The following KXD1 variants were observed in gnomAD, a reference collection of about 807,000 sequenced individuals.
KXD1 encodes KxDL motif containing 1.
Under a neutral mutation model 12.1 loss-of-function variants are expected in KXD1, and 5 were observed. That is an observed-to-expected ratio of 0.41 (90% CI 0.22 to 0.87). KXD1 has a LOEUF of 0.87. Ranked by LOEUF, KXD1 falls within the 40% of genes least tolerant of loss-of-function variation. KXD1 has a pLI of 0.31. For missense variants in KXD1, 193 were observed against 244.9 expected (o/e 0.79, Z 1.41); for synonymous variants, 98 against 100.5 (o/e 0.98, Z 0.15).
chr19:18,559,941 C>CTCTCTCTT (rs1974857523), intron 1 of KXD1: 1 of 151,240 alleles, frequency 6.6e-6, no homozygotes, highest in Non-Finnish European at 1.5e-5. Flanking sequence ...CTCTTTGTCT[C>CTCTCTCTT]TCTCTCTTTC....
At chr19:18,566,032 T>C (rs1048775235) in intron 3 of KXD1, among the ~76,000 whole-genome samples, 6 of 152,134 alleles carry the variant, frequency 3.9e-5, no homozygotes, top group Non-Finnish European at 5.9e-5. Context: ...GGTTTCCCCA[T>C]GTTGGCCAGG....
At chr19:18,563,613 A>G (rs1041942829) in intron 2 of KXD1, among the ~76,000 whole-genome samples, 1 of 150,788 alleles carries the variant, frequency 6.6e-6, no homozygotes, top group Non-Finnish European at 1.5e-5. Context: ...AAGCGATTCT[A>G]CTGCCTCAGC....
intron 2 of KXD1, among the ~76,000 whole-genome samples, chr19:18,562,715 G>A (rs1461077764): frequency 1.3e-5 from 2 of 152,234 alleles, no homozygotes; most frequent in South Asian, 2.1e-4. Context: ...ACCCGCCTCG[G>A]CCTCCCGAAG....
Position 18,566,594 on chromosome 19 carries a change from C to T in KXD1, c.255-538C>T, listed in dbSNP as rs1359537033. Among the ~76,000 whole-genome samples, 10 of 152,048 alleles carry T rather than the reference C, an allele frequency of 6.6e-5. No individual in the cohort carries two copies. In the East Asian group the frequency reaches 1.9e-3, roughly 29 times the overall value. On this transcript the variant is annotated intron_variant, in intron 3 of 4. Coordinates refer to ENST00000222307, the MANE Select transcript of KXD1 (RefSeq NM_024069.4). ...TCACCTGAGGTCAGAAGTTTGAGAC[C>T]AGCCTGGCCAACATGATGAAATCCC... is the stretch of plus-strand genomic sequence containing the variant.
chr19:18,564,032 G>A (rs917481773), intron 2 of KXD1, among the ~76,000 whole-genome samples: 4 of 151,940 alleles, frequency 2.6e-5, no homozygotes, highest in Admixed American at 6.6e-5. Flanking sequence ...GATTACAGGC[G>A]CCCGCCACCA....
chr19:18,568,759 G>T lies in KXD1; in HGVS notation c.*128G>T. The T allele has an allele frequency of 1.5e-6, 1 of 682,358 alleles. No homozygotes were observed. Among genetic ancestry groups the T allele is most frequent in the Non-Finnish European group, 2.5e-6 (1 of 405,698 alleles). 42.3% of individuals were successfully genotyped at this position (682,358 alleles called of 1,614,324 possible). On this transcript the variant is annotated 3_prime_UTR_variant, in exon 5 of 5. Transcript: ENST00000222307. ...GTTCTGTCACCCAGGGCTCCTAGGG[G>T]GACAAGGCTCTCTCCCGAGGGGTGT...
chr19:18,560,941 G>T (rs1389106981), intron 1 of KXD1, among the ~76,000 whole-genome samples: 2 of 151,902 alleles, frequency 1.3e-5, no homozygotes, highest in Admixed American at 6.6e-5. Flanking sequence ...TCCTGACCTC[G>T]TGATCCACCT....
At chr19:18,560,957 G>A (rs1461738107) in intron 1 of KXD1, among the ~76,000 whole-genome samples, 1 of 151,908 alleles carries the variant, frequency 6.6e-6, no homozygotes, top group Non-Finnish European at 1.5e-5. Flanking sequence ...CACCTGCCTC[G>A]CCCTCCCAGA....
intron 1 of KXD1, chr19:18,558,744 T>G (rs1977015039): frequency 1.3e-5 from 2 of 152,138 alleles, no homozygotes; most frequent in South Asian, 4.1e-4. Flanking sequence ...GGATCAGAGC[T>G]CTTGCTGGGT....
In KXD1 at chr19:18,568,398, C is replaced by T. The variant is rs1975367821; in HGVS notation, c.302-4C>T. The stretch of plus-strand genomic sequence containing the variant: ...AAACCAACTCTTGGGCCTCCTTCCC[C>T]CAGATATCCCAGAGGCATCCTTCCT... On this transcript the variant is annotated splice_polypyrimidine_tract_variant and splice_region_variant and intron_variant, in intron 4 of 4. Transcript: ENST00000222307. The T allele has an allele frequency of 1.2e-6, 2 of 1,611,316 alleles. No individual in the cohort carries two copies. Among genetic ancestry groups the T allele is most frequent in the Non-Finnish European group, 1.7e-6 (2 of 1,177,642 alleles).
At chr19:18,563,792 G>A (rs552012548) in intron 2 of KXD1, among the ~76,000 whole-genome samples, 3 of 152,020 alleles carry the variant, frequency 2.0e-5, no homozygotes, top group Non-Finnish European at 2.9e-5. Context: ...GTGAGCCACC[G>A]TGCCCGGCCC....
At chr19:18,560,988 A>C (rs558706732) in intron 1 of KXD1, among the ~76,000 whole-genome samples, 75 of 152,146 alleles carry the variant, frequency 4.9e-4, no homozygotes, top group African/African-American at 1.8e-3. Flanking sequence ...TACAGGCGTG[A>C]GCCACAGCAC....
chr19:18,567,294 G>C (rs1293066708), intron 4 of KXD1, 116 bp downstream of exon 4: 1 of 1,092,638 alleles, frequency 9.2e-7, no homozygotes, highest in Admixed American at 2.0e-5. Context: ...TGGGCAGTGG[G>C]TCTGGGGAAA....
intron 4 of KXD1, 153 bp downstream of exon 4, chr19:18,567,331 C>T: frequency 2.7e-6 from 2 of 746,084 alleles, no homozygotes; most frequent in Non-Finnish European, 4.6e-6. Flanking sequence ...GGTCAGGGTG[C>T]TGGCCTGGTC....
intron 1 of KXD1, chr19:18,561,787 G>A: frequency 3.4e-6 from 1 of 290,226 alleles, no homozygotes; most frequent in Non-Finnish European, 6.5e-6. Flanking sequence ...GAAGTGGGAG[G>A]TGATGGGATT....
chr19:18,564,174 C>T lies in KXD1; in HGVS notation c.102-695C>T, dbSNP rs554250328. Among the ~76,000 whole-genome samples, 32 of 152,186 alleles carry T rather than the reference C, an allele frequency of 2.1e-4. No homozygotes were observed. In the South Asian group the frequency reaches 5.6e-3, roughly 27 times the overall value. On this transcript the variant is annotated intron_variant, in intron 2 of 4. Coordinates refer to ENST00000222307, the MANE Select transcript of KXD1 (RefSeq NM_024069.4). ...CGCTGGAATTGCAGGCATGAGCCCC[C>T]ATGCCCGGCTGGTCTCCTGTTTTTT... is the stretch of plus-strand genomic sequence containing the variant.
chr19:18,562,903 C>T lies in KXD1; in HGVS notation c.101+746C>T, dbSNP rs141798283. Reference sequence around the variant, plus strand: ...TCCTCACTGGGGTTTGGTGCTGTGGCTGCTGAAACCTTGCCCTAATTCAGG... The same window carrying T: ...TCCTCACTGGGGTTTGGTGCTGTGGTTGCTGAAACCTTGCCCTAATTCAGG... On this transcript the variant is annotated intron_variant, in intron 2 of 4. Transcript: ENST00000222307. 2.2e-3 allele frequency among the ~76,000 whole-genome samples: 342 copies of T among 152,360 alleles called. 10 individuals carry two copies. The East Asian group carries it at 0.046, about 20-fold the overall frequency.
intron 4 of KXD1, among the ~76,000 whole-genome samples, chr19:18,567,951 GT>G (rs1975334616): frequency 6.6e-6 from 1 of 152,126 alleles, no homozygotes; most frequent in Non-Finnish European, 1.5e-5. Context: ...CTGGGCCTCA[GT>G]TTTCTCCTCT....
chr19:18,567,161 A>T lies in KXD1; in HGVS notation c.284A>T (p.His95Leu), dbSNP rs1975284423. The change falls in exon 4 of 5, where the codon CAC (histidine) becomes CTC (leucine). Residue 95 changes from histidine to leucine, a missense_variant. Transcript: ENST00000222307. The stretch of plus-strand genomic sequence containing the variant: ...CTGAAAGGGAAACTGGCCAGGCAGC[A>T]CCCAGAGGCCTTCAGCCGTAAGTGT... ...RTLKGKLARQ[H>L]PEAFSHIPEA... is the part of the protein sequence containing the mutation. 5 of 1,614,122 alleles carry T rather than the reference A, an allele frequency of 3.1e-6. No individual in the cohort carries two copies. The highest frequency in any genetic ancestry group is 4.2e-6 in the Non-Finnish European group (5 of 1,180,006).
Sources: allele counts gnomAD v4.1 joint callset (sites outside exome capture counted in the v4.1 genomes callset), GRCh38; gene constraint gnomAD v4.1.1; transcripts MANE v1.5; gene names NCBI Gene and HGNC (gene_info 2026-07-23, HGNC 2026-07-21).